Variants in TAFA1 observed in about 807,000 individuals in gnomAD.
The protein encoded by TAFA1 is chemokine-like protein TAFA-1.
TAFA1 carries 4 observed loss-of-function variants against 18.5 expected under a neutral mutation model. The ratio of observed to expected loss-of-function variants is 0.22; its 90% CI spans 0.11 to 0.49. The LOEUF is 0.49. Among genes scored for constraint, TAFA1 ranks in the 20% least tolerant of loss-of-function variants. The probability of loss-of-function intolerance (pLI) is 0.98; values close to 1 mark genes in which losing one functional copy is unlikely to be tolerated. For missense variants in TAFA1, 147 were observed against 169.0 expected (o/e 0.87, Z 0.72); for synonymous variants, 56 against 55.2 (o/e 1.01, Z -0.06).
intron 2 of TAFA1, among the ~76,000 whole-genome samples, chr3:68,049,628 A>G (rs546297529): frequency 2.0e-5 from 3 of 151,856 alleles, no homozygotes; most frequent in Non-Finnish European, 4.4e-5. Context: ...ATATTTCCCA[A>G]TTGAGGCTGG....
intron 2 of TAFA1, among the ~76,000 whole-genome samples, chr3:68,196,794 A>G (rs1371383384): frequency 6.6e-6 from 1 of 151,720 alleles, no homozygotes; most frequent in Non-Finnish European, 1.5e-5. Context: ...CTTCTTTAGA[A>G]CAGTCCTAGG....
At chr3:68,064,658 T>C (rs2064650606) in intron 2 of TAFA1, among the ~76,000 whole-genome samples, 1 of 152,086 alleles carries the variant, frequency 6.6e-6, no homozygotes, top group African/African-American at 2.4e-5. Context: ...AATATTTTAT[T>C]GTAACATCAC....
intron 2 of TAFA1, among the ~76,000 whole-genome samples, chr3:68,136,086 G>A (rs2065603377): frequency 6.6e-6 from 1 of 152,060 alleles, no homozygotes; most frequent in Non-Finnish European, 1.5e-5. Flanking sequence ...AAATAGAATA[G>A]TTTTCTTTTT....
chr3:68,207,536 AC>A (rs2066542361), intron 2 of TAFA1, among the ~76,000 whole-genome samples: 1 of 151,904 alleles, frequency 6.6e-6, no homozygotes, highest in Non-Finnish European at 1.5e-5. Context: ...CCTCAGACTT[AC>A]ACAATCTGAA....
At position 68,430,596 on chromosome 3, in the gene TAFA1, A is replaced by G. The variant is rs116988796; in HGVS notation, c.259+13176A>G. ...GGAGACAGTATTGAGAGCCCTCTATAGAGACAAACATCTCCTATGAAGTGT... is the reference window on the plus strand; with the variant it reads ...GGAGACAGTATTGAGAGCCCTCTATGGAGACAAACATCTCCTATGAAGTGT... On this transcript the variant is annotated intron_variant, in intron 3 of 4. Transcript: ENST00000478136. 8.5e-4 allele frequency among the ~76,000 whole-genome samples: 130 copies of G among 152,076 alleles called. No homozygotes were observed. In the East Asian group the frequency reaches 0.014, roughly 17 times the overall value.
At chr3:68,147,197 T>C (rs2065752212) in intron 2 of TAFA1, among the ~76,000 whole-genome samples, 1 of 152,076 alleles carries the variant, frequency 6.6e-6, no homozygotes, top group Non-Finnish European at 1.5e-5. Flanking sequence ...TAAGTAATCC[T>C]GAGCCATACC....
At chr3:68,527,591 AT>A (rs921364403) in intron 3 of TAFA1, among the ~76,000 whole-genome samples, 3 of 152,144 alleles carry the variant, frequency 2.0e-5, no homozygotes, top group Non-Finnish European at 2.9e-5. Context: ...TCTAAATTAT[AT>A]CCACTAGTTC....
At chr3:68,024,738 G>A (rs936265866) in intron 2 of TAFA1, among the ~76,000 whole-genome samples, 1 of 151,400 alleles carries the variant, frequency 6.6e-6, no homozygotes, top group African/African-American at 2.4e-5. Flanking sequence ...ATCCCTTAGG[G>A]GCAGAATAAG....
At chr3:68,451,390 T>A (rs2071564839) in intron 3 of TAFA1, among the ~76,000 whole-genome samples, 1 of 152,080 alleles carries the variant, frequency 6.6e-6, no homozygotes, top group African/African-American at 2.4e-5. Context: ...TTAATAAGAC[T>A]GAAGGGAGGT....
chr3:68,196,367 C>A (rs1264444960), intron 2 of TAFA1, among the ~76,000 whole-genome samples: 1 of 150,252 alleles, frequency 6.7e-6, no homozygotes, highest in Non-Finnish European at 1.5e-5. Flanking sequence ...AAATACTGAC[C>A]AAATGTAGCA....
intron 3 of TAFA1, among the ~76,000 whole-genome samples, chr3:68,459,109 C>A (rs1477757841): frequency 6.6e-6 from 1 of 152,118 alleles, no homozygotes; most frequent in Non-Finnish European, 1.5e-5. Context: ...CCACATTTGC[C>A]CGTCATTGAG....
intron 2 of TAFA1, among the ~76,000 whole-genome samples, chr3:68,087,802 T>C (rs1395900902): frequency 2.0e-5 from 3 of 152,182 alleles, no homozygotes; most frequent in Non-Finnish European, 4.4e-5. Context: ...TATTTCATTT[T>C]GTGAATGTCC....
intron 2 of TAFA1, among the ~76,000 whole-genome samples, chr3:68,401,307 C>T (rs918183186): frequency 6.6e-6 from 1 of 152,148 alleles, no homozygotes; most frequent in African/African-American, 2.4e-5. Context: ...CTTCTTGTAA[C>T]AAATCCAGAA....
Position 68,306,789 on chromosome 3 carries a change from C to T in TAFA1, c.119-110491C>T, listed in dbSNP as rs556402479. Among the ~76,000 whole-genome samples, 12 of 152,276 alleles carry T rather than the reference C, an allele frequency of 7.9e-5. No homozygotes were observed. The South Asian group carries it at 2.5e-3, about 32-fold the overall frequency. The stretch of plus-strand genomic sequence containing the variant: ...GTGCTGAATCTCCCCTACACAGGAG[C>T]AGGGGTGGATCTTTCTCTAAAGTGT... On this transcript the variant is annotated intron_variant, in intron 2 of 4. Transcript: ENST00000478136.
intron 3 of TAFA1, among the ~76,000 whole-genome samples, chr3:68,427,918 C>A (rs1559665428): frequency 1.3e-5 from 2 of 151,902 alleles, no homozygotes; most frequent in Non-Finnish European, 2.9e-5. Context: ...GTAATTTGTG[C>A]CATTGCTCCT....
At chr3:68,211,302 A>G (rs1028886188) in intron 2 of TAFA1, among the ~76,000 whole-genome samples, 3 of 152,094 alleles carry the variant, frequency 2.0e-5, no homozygotes, top group Non-Finnish European at 2.9e-5. Flanking sequence ...CATAATTTAT[A>G]CTTACAAAGT....
intron 3 of TAFA1, among the ~76,000 whole-genome samples, chr3:68,516,285 A>C (rs2072919321): frequency 1.3e-5 from 2 of 152,166 alleles, no homozygotes; most frequent in Non-Finnish European, 2.9e-5. Flanking sequence ...CTGAGCATCC[A>C]GGTGCTGAAA....
chr3:67,995,363 T>C, the TAFA1 span, among the ~76,000 whole-genome samples: 1 of 152,154 alleles, frequency 6.6e-6, no homozygotes, highest in Non-Finnish European at 1.5e-5. Flanking sequence ...CCTGATTTGA[T>C]TGATCTGGGT....
At chr3:68,533,550 G>T (rs1485917280) in intron 3 of TAFA1, among the ~76,000 whole-genome samples, 1 of 152,176 alleles carries the variant, frequency 6.6e-6, no homozygotes, top group Non-Finnish European at 1.5e-5. Context: ...TGTGAAAGGA[G>T]CAGGCAGAGG....
Sources: allele counts gnomAD v4.1 joint callset (sites outside exome capture counted in the v4.1 genomes callset), GRCh38; gene constraint gnomAD v4.1.1; transcripts MANE v1.5; gene names NCBI Gene and HGNC (gene_info 2026-07-23, HGNC 2026-07-21).